The following DCC variants were observed in gnomAD, a reference collection of about 807,000 sequenced individuals.
The protein encoded by DCC is netrin receptor DCC.
DCC carries 58 observed loss-of-function variants against 172.5 expected under a neutral mutation model. The observed-to-expected ratio is 0.34, with a 90% confidence interval of 0.27 to 0.42. The LOEUF is 0.42. DCC is among the 10% of genes least tolerant of loss of function. The probability of loss-of-function intolerance (pLI) is 1.00; values close to 1 mark genes in which losing one functional copy is unlikely to be tolerated. For missense variants in DCC, 1,740 were observed against 1,791.0 expected (o/e 0.97, Z 0.51); for synonymous variants, 709 against 644.5 (o/e 1.10, Z -1.52).
At chr18:53,018,250 A>T (rs190119187) in intron 5 of DCC, among the ~76,000 whole-genome samples, 3 of 152,298 alleles carry the variant, frequency 2.0e-5, no homozygotes, top group Non-Finnish European at 2.9e-5. Context: ...TCCTGTATAT[A>T]AAACAAATTT....
At chr18:53,155,860 C>G (rs1315190429) in intron 7 of DCC, among the ~76,000 whole-genome samples, 1 of 152,122 alleles carries the variant, frequency 6.6e-6, no homozygotes, top group East Asian at 1.9e-4. Context: ...AACCCTGTCT[C>G]TACCAAAAAT....
intron 5 of DCC, among the ~76,000 whole-genome samples, chr18:53,031,527 C>T (rs2042025154): frequency 6.6e-6 from 1 of 151,926 alleles, no homozygotes; most frequent in Admixed American, 6.6e-5. Flanking sequence ...ACAGAAATGA[C>T]TTTGCTGTAT....
At chr18:53,179,997 T>G (rs2055170580) in intron 9 of DCC, among the ~76,000 whole-genome samples, 1 of 152,238 alleles carries the variant, frequency 6.6e-6, no homozygotes, top group East Asian at 1.9e-4. Flanking sequence ...TATTTTGATT[T>G]CCTGTTCATT....
At chr18:52,730,890 C>A (rs910095488) in intron 1 of DCC, among the ~76,000 whole-genome samples, 2 of 152,166 alleles carry the variant, frequency 1.3e-5, no homozygotes, top group Non-Finnish European at 1.5e-5. Context: ...CATTTTCAGA[C>A]TTCATTGGTT....
At chr18:52,364,105 G>A (rs576575337) in intron 1 of DCC, among the ~76,000 whole-genome samples, 1 of 152,234 alleles carries the variant, frequency 6.6e-6, no homozygotes, top group East Asian at 1.9e-4. Context: ...GACAAGGTCA[G>A]GAATCTCCAC....
intron 7 of DCC, 32 bp downstream of exon 7, chr18:53,066,198 G>A (rs1326164515): frequency 1.2e-6 from 2 of 1,604,932 alleles, no homozygotes; most frequent in African/African-American, 2.7e-5. Context: ...TTTGGTACCT[G>A]GAATGAAAAT....
chr18:53,374,539 G>T (rs906910121), intron 15 of DCC, among the ~76,000 whole-genome samples: 1 of 152,128 alleles, frequency 6.6e-6, no homozygotes, highest in African/African-American at 2.4e-5. Context: ...GAGCAGGCTA[G>T]TTCAATGCAC....
intron 5 of DCC, chr18:52,965,002 A>G (rs2040906373): frequency 6.6e-6 from 1 of 152,030 alleles, no homozygotes; most frequent in Non-Finnish European, 1.5e-5. Context: ...TCACTCTCTG[A>G]TCTTACCCTT....
intron 1 of DCC, among the ~76,000 whole-genome samples, chr18:52,396,281 A>AACCCCCCCCCCCCC (rs1568149503): frequency 8.7e-6 from 1 of 114,308 alleles, no homozygotes; most frequent in Non-Finnish European, 1.8e-5. Flanking sequence ...CCTGCACCAC[A>AACCCCCCCCCCCCC]CCCCCCCCCC....
chr18:52,645,789 C>T (rs930110395), intron 1 of DCC, among the ~76,000 whole-genome samples: 3 of 152,184 alleles, frequency 2.0e-5, no homozygotes, highest in Non-Finnish European at 4.4e-5. Context: ...ACAAGGAAAA[C>T]TTACCTAAAT....
At chr18:52,984,494 G>A (rs2041261356) in intron 5 of DCC, among the ~76,000 whole-genome samples, 3 of 152,032 alleles carry the variant, frequency 2.0e-5, no homozygotes, top group Non-Finnish European at 4.4e-5. Context: ...CATAAAAAGT[G>A]TATCATGATA....
At chr18:53,206,573 C>A (rs2055650022) in intron 10 of DCC, among the ~76,000 whole-genome samples, 1 of 142,592 alleles carries the variant, frequency 7.0e-6, no homozygotes, top group Non-Finnish European at 1.5e-5. Context: ...TTATATAATA[C>A]ATATCTATAC....
At chr18:52,757,155 A>G (rs1477371530) in intron 2 of DCC, 2 of 152,150 alleles carry the variant, frequency 1.3e-5, no homozygotes, top group Non-Finnish European at 2.9e-5. Flanking sequence ...TGACCACTGG[A>G]TCTACTATTA....
At chr18:52,849,306 T>G in intron 2 of DCC, among the ~76,000 whole-genome samples, 1 of 152,148 alleles carries the variant, frequency 6.6e-6, no homozygotes, top group East Asian at 1.9e-4. Context: ...TATGTGTTGT[T>G]TCCCCTTGAA....
chr18:52,532,331 T>C (rs539428547), intron 1 of DCC, among the ~76,000 whole-genome samples: 35 of 152,310 alleles, frequency 2.3e-4, no homozygotes, highest in African/African-American at 8.2e-4. Context: ...AATTCCTTAA[T>C]TTTGTTTCTT....
At chr18:53,307,583 T>C (rs1157023357) in intron 13 of DCC, among the ~76,000 whole-genome samples, 1 of 151,968 alleles carries the variant, frequency 6.6e-6, no homozygotes, top group African/African-American at 2.4e-5. Flanking sequence ...ACATTGAGAA[T>C]ATAAAATTAA....
In DCC at chr18:53,402,786, C is replaced by A; in HGVS notation, c.2828C>A (p.Ala943Asp). 2.5e-6 allele frequency: 4 copies of A among 1,611,148 alleles called. No homozygotes were observed. The highest frequency in any genetic ancestry group is 3.4e-6 in the Non-Finnish European group (4 of 1,177,294). The change falls in exon 19 of 29, where the codon GCC (alanine) becomes GAC (aspartate). Residue 943 changes from alanine (A) to aspartate (D), a missense_variant and splice_region_variant. Physicochemically the swap from Ala to Asp is moderately radical, Grantham distance 126. Coordinates refer to ENST00000442544, the MANE Select transcript of DCC (RefSeq NM_005215.4). ...MTAHATTYEA[A>D]PTSAPKDLTV... Reference sequence around the variant, plus strand: ...GCCTTATCTCTGTCTCACCTCACAGCCCCCACCTCTGCTCCCAAGGACTTG... The same window carrying A: ...GCCTTATCTCTGTCTCACCTCACAGACCCCACCTCTGCTCCCAAGGACTTG...
At chr18:53,285,119 A>T (rs1598983250) in intron 12 of DCC, among the ~76,000 whole-genome samples, 1 of 152,176 alleles carries the variant, frequency 6.6e-6, no homozygotes, top group Admixed American at 6.5e-5. Flanking sequence ...GGAAAAAAAA[A>T]TCCGATTTTC....
At chr18:53,006,803 A>C (rs1453935577) in intron 5 of DCC, among the ~76,000 whole-genome samples, 1 of 152,210 alleles carries the variant, frequency 6.6e-6, no homozygotes, top group East Asian at 1.9e-4. Flanking sequence ...CGCTGAGTAG[A>C]GTACTTAAGT....
Sources: allele counts gnomAD v4.1 joint callset (sites outside exome capture counted in the v4.1 genomes callset), GRCh38; gene constraint gnomAD v4.1.1; transcripts MANE v1.5; gene names NCBI Gene and HGNC (gene_info 2026-07-23, HGNC 2026-07-21).